Variants in SGMS1 observed in about 807,000 individuals in gnomAD.
SGMS1 encodes sphingomyelin synthase 1.
SGMS1 carries 13 observed loss-of-function variants against 46.2 expected under a neutral mutation model. The ratio of observed to expected loss-of-function variants is 0.28; its 90% CI spans 0.18 to 0.45. The LOEUF (loss-of-function observed/expected upper bound fraction) is 0.45, where lower values mean the gene tolerates loss of function less well. Among genes scored for constraint, SGMS1 ranks in the 20% least tolerant of loss-of-function variants. The pLI is 1.00. For synonymous variants in SGMS1, 203 were observed against 187.8 expected (o/e 1.08, Z -0.66); for missense variants, 324 against 519.9 (o/e 0.62, Z 3.66).
In SGMS1 at chr10:50,378,451, A is replaced by G. The variant is rs116433834; in HGVS notation, c.-231-34106T>C. On this transcript the variant is annotated intron_variant, in intron 6 of 10. Coordinates refer to ENST00000361781, the MANE Select transcript of SGMS1 (RefSeq NM_147156.4). ...CTAACCTGAAAAATGTAGATTCTTC[A>G]GCAGATCATAAACAGAGACTGAGAC... 3.9e-3 allele frequency among the ~76,000 whole-genome samples: 595 copies of G among 152,344 alleles called. 9 individuals carry two copies. Among genetic ancestry groups the G allele is most frequent in the African/African-American group, 0.014 (571 of 41,574 alleles).
intron 1 of SGMS1, among the ~76,000 whole-genome samples, chr10:50,617,244 TTA>T (rs1838807011): frequency 6.6e-6 from 1 of 152,212 alleles, no homozygotes; most frequent in South Asian, 2.1e-4. Flanking sequence ...ATGATAAATT[TTA>T]TGTTATGTGT....
chr10:50,532,225 C>CTGTGTGTGTGTGTG (rs71029313), intron 2 of SGMS1, among the ~76,000 whole-genome samples: 53 of 130,588 alleles, frequency 4.1e-4, no homozygotes, highest in African/African-American at 1.1e-3. Context: ...CTGAATGAGA[C>CTGTGTGTGTGTGTG]TGTGTGTGTG....
intron 6 of SGMS1, among the ~76,000 whole-genome samples, chr10:50,352,131 G>A (rs11005304): frequency 1.8e-4 from 28 of 152,174 alleles, no homozygotes; most frequent in Non-Finnish European, 3.7e-4. Flanking sequence ...TCCTGCAACT[G>A]ATGCTGAAAT....
intron 6 of SGMS1, among the ~76,000 whole-genome samples, chr10:50,408,898 A>G (rs1436135719): frequency 6.6e-6 from 1 of 152,108 alleles, no homozygotes; most frequent in Non-Finnish European, 1.5e-5. Flanking sequence ...ACAAAAAAAG[A>G]TTATAACAAC....
At chr10:50,454,774 T>C (rs1161575862) in intron 5 of SGMS1, among the ~76,000 whole-genome samples, 1 of 152,122 alleles carries the variant, frequency 6.6e-6, no homozygotes, top group Non-Finnish European at 1.5e-5. Context: ...GAAAACACAA[T>C]TTTGATGGAG....
intron 3 of SGMS1, among the ~76,000 whole-genome samples, chr10:50,486,502 A>G (rs1021644161): frequency 1.3e-5 from 2 of 152,242 alleles, no homozygotes; most frequent in African/African-American, 4.8e-5. Context: ...AAGTAGGCAA[A>G]GGACATGAAT....
intron 2 of SGMS1, among the ~76,000 whole-genome samples, chr10:50,532,431 A>T (rs1026010844): frequency 1.3e-5 from 2 of 152,182 alleles, no homozygotes; most frequent in Non-Finnish European, 2.9e-5. Flanking sequence ...AGTATAGCTC[A>T]TATCCATCTC....
intron 6 of SGMS1, among the ~76,000 whole-genome samples, chr10:50,390,593 G>A (rs763035346): frequency 6.6e-6 from 1 of 152,068 alleles, no homozygotes; most frequent in Non-Finnish European, 1.5e-5. Context: ...AGCTGTGATC[G>A]TGCCACTGCA....
At chr10:50,594,560 ATT>A (rs1038998577) in intron 1 of SGMS1, among the ~76,000 whole-genome samples, 3 of 152,108 alleles carry the variant, frequency 2.0e-5, no homozygotes, top group African/African-American at 7.2e-5. Flanking sequence ...ATTACACTTG[ATT>A]TTATTTATAG....
chr10:50,306,874 C>T lies in SGMS1; in HGVS notation c.*268G>A. Reference sequence around the variant, plus strand: ...TGCTGCTGCATCATATACAAAGGAACATGGTGGTTGCGGGTTATGTAAATC... The same window carrying T: ...TGCTGCTGCATCATATACAAAGGAATATGGTGGTTGCGGGTTATGTAAATC... On this transcript the variant is annotated 3_prime_UTR_variant, in exon 11 of 11. Transcript: ENST00000361781. The T allele has an allele frequency of 3.2e-6, 1 of 313,880 alleles. No homozygotes were observed. Among genetic ancestry groups the T allele is most frequent in the East Asian group, 5.2e-5 (1 of 19,310 alleles). 19.4% of individuals were successfully genotyped at this position (313,880 alleles called of 1,614,324 possible).
At chr10:50,550,926 GAATCCATACTA>G (rs1442423309) in intron 2 of SGMS1, among the ~76,000 whole-genome samples, 1 of 152,174 alleles carries the variant, frequency 6.6e-6, no homozygotes, top group Non-Finnish European at 1.5e-5. Flanking sequence ...AAATATCCAT[GAATCCATACTA>G]AAAAATAAAT....
At chr10:50,524,695 A>G (rs1294156335) in intron 2 of SGMS1, among the ~76,000 whole-genome samples, 7 of 152,214 alleles carry the variant, frequency 4.6e-5, no homozygotes. Flanking sequence ...GAAAGACTAC[A>G]CAGCGTCCCA....
rs545625095 is a variant in SGMS1, at chr10:50,307,650, A to C, written c.1063-329T>G. ...ACACTTAATTAAATGTTAAATATTA[A>C]GCTTGTGATGTGCCCCGGGTAGGGA... On this transcript the variant is annotated intron_variant, in intron 10 of 10. Transcript: ENST00000361781. The surrounding 1 kb of genome is among the most constrained non-coding windows in gnomAD (Gnocchi z 4.2). Among the ~76,000 whole-genome samples, 3 of 152,336 alleles carry C rather than the reference A, an allele frequency of 2.0e-5. No individual in the cohort carries two copies. In the South Asian group the frequency reaches 6.2e-4, roughly 32 times the overall value.
At chr10:50,616,079 C>G (rs1012419062) in intron 1 of SGMS1, among the ~76,000 whole-genome samples, 1 of 152,098 alleles carries the variant, frequency 6.6e-6, no homozygotes, top group African/African-American at 2.4e-5. Context: ...TTATTATCAA[C>G]CCTTAAAAAC....
intron 6 of SGMS1, among the ~76,000 whole-genome samples, chr10:50,407,821 C>T (rs116154602): frequency 2.0e-4 from 31 of 152,200 alleles, no homozygotes; most frequent in African/African-American, 7.2e-4. Flanking sequence ...GCCAGTTAAA[C>T]CCCTGAAATA....
At chr10:50,424,103 G>A (rs1849292444) in intron 6 of SGMS1, among the ~76,000 whole-genome samples, 1 of 152,190 alleles carries the variant, frequency 6.6e-6, no homozygotes, top group African/African-American at 2.4e-5. Context: ...ATGTTTGTCT[G>A]ACCTGAAAGC....
chr10:50,468,517 G>T (rs1837350903), intron 3 of SGMS1, among the ~76,000 whole-genome samples: 1 of 152,164 alleles, frequency 6.6e-6, no homozygotes, highest in Non-Finnish European at 1.5e-5. Flanking sequence ...AATTTCATAA[G>T]GGATAATTTT....
chr10:50,513,065 C>T (rs551661921), intron 3 of SGMS1, among the ~76,000 whole-genome samples: 12 of 152,308 alleles, frequency 7.9e-5, no homozygotes, highest in African/African-American at 2.9e-4. Flanking sequence ...CAAATGCTAC[C>T]ATTACAATGC....
intron 6 of SGMS1, among the ~76,000 whole-genome samples, chr10:50,425,028 C>G (rs2133602888): frequency 6.6e-6 from 1 of 151,822 alleles, no homozygotes; most frequent in East Asian, 1.9e-4. Context: ...CAATGAGATA[C>G]CATTAATCAC....
Sources: allele counts gnomAD v4.1 joint callset (sites outside exome capture counted in the v4.1 genomes callset), GRCh38; gene constraint gnomAD v4.1.1; non-coding constraint Gnocchi (gnomAD v3.1); transcripts MANE v1.5; gene names NCBI Gene and HGNC (gene_info 2026-07-23, HGNC 2026-07-21).